Variants in GRIP1 observed in about 807,000 individuals in gnomAD.
GRIP1 encodes glutamate receptor-interacting protein 1.
GRIP1 carries 45 observed loss-of-function variants against 129.9 expected under a neutral mutation model. That is an observed-to-expected ratio of 0.35 (90% confidence interval 0.27 to 0.44). The LOEUF (loss-of-function observed/expected upper bound fraction) is 0.44. GRIP1 is among the 20% of genes least tolerant of loss of function. The probability of loss-of-function intolerance (pLI) is 1.00; values close to 1 mark genes in which losing one functional copy is unlikely to be tolerated. For missense variants in GRIP1, 1,196 were observed against 1,396.8 expected (o/e 0.86, Z 2.29); for synonymous variants, 530 against 520.8 (o/e 1.02, Z -0.24).
At chr12:66,562,797 A>G (rs2062586769) in intron 2 of GRIP1, among the ~76,000 whole-genome samples, 2 of 152,210 alleles carry the variant, frequency 1.3e-5, no homozygotes, top group African/African-American at 4.8e-5. Context: ...CCAAAACTTA[A>G]CTATTAATAG....
At chr12:66,605,760 C>T (rs573659230) in intron 1 of GRIP1, among the ~76,000 whole-genome samples, 1 of 152,224 alleles carries the variant, frequency 6.6e-6, no homozygotes, top group Non-Finnish European at 1.5e-5. Flanking sequence ...TACATGTCAA[C>T]TGCAGGCAAA....
intron 1 of GRIP1, among the ~76,000 whole-genome samples, chr12:67,017,019 C>T (rs879715615): frequency 1.3e-4 from 20 of 152,124 alleles, no homozygotes; most frequent in Admixed American, 5.2e-4. Context: ...CTCTCTTCTC[C>T]GATTCATAAT....
At chr12:66,416,942 G>GACAC (rs138385858) in intron 15 of GRIP1, among the ~76,000 whole-genome samples, 2 of 149,256 alleles carry the variant, frequency 1.3e-5, no homozygotes, top group African/African-American at 4.9e-5. Flanking sequence ...ACCAGACAAA[G>GACAC]ACACACACAC....
intron 1 of GRIP1, among the ~76,000 whole-genome samples, chr12:66,650,575 C>G (rs1239780963): frequency 6.6e-6 from 1 of 152,156 alleles, no homozygotes; most frequent in African/African-American, 2.4e-5. Context: ...TCACTGGACA[C>G]TGTGATCAAG....
In GRIP1 at chr12:66,695,417, C is replaced by T. The variant is rs563865589; in HGVS notation, c.-419-65081G>A. Among the ~76,000 whole-genome samples, 7 of 152,160 alleles carry T rather than the reference C, an allele frequency of 4.6e-5. No homozygotes were observed. In the East Asian group the frequency reaches 5.8e-4, roughly 13 times the overall value. On this transcript the variant is annotated intron_variant, in intron 1 of 4. Transcript: ENST00000538373. ...TAGCCCAAGGTTGGGATACACAGCA[C>T]GAGCTATGGGCCACACGAGAGGAGG...
chr12:66,544,738 G>C (rs565055148), intron 2 of GRIP1, among the ~76,000 whole-genome samples: 9 of 152,254 alleles, frequency 5.9e-5, no homozygotes, highest in South Asian at 2.1e-4. Flanking sequence ...GTTTCTGTAG[G>C]GGGTGGGAGA....
chr12:66,456,203 A>C lies in GRIP1; in HGVS notation c.1182T>G (p.Pro394=), dbSNP rs1390162257. The change falls in exon 10 of 25, where the codon CCT becomes CCG. Residue 394 remains proline (P), a synonymous_variant. Coordinates refer to ENST00000359742, the MANE Select transcript of GRIP1 (RefSeq NM_001366722.1). ...RVPALTFPKA[P]PPNSPPALVS... ...GAACATTACGAGGGCTGTTTGGAGG[A>C]GGTGCTTTCGGGAATGTCAGGGCTG... The C allele has an allele frequency of 7.8e-7, 1 of 1,289,198 alleles. No homozygotes were observed. The highest frequency in any genetic ancestry group is 1.0e-6 in the Non-Finnish European group (1 of 988,170). The allele number at this position is 1,289,198 out of a possible 1,614,324, so 79.9% of individuals were successfully genotyped here. A position where few individuals can be genotyped will look rare whatever the true frequency, so the allele number is the denominator to read the frequency against.
chr12:66,834,694 G>A (rs920388610), intron 1 of GRIP1, among the ~76,000 whole-genome samples: 1 of 152,076 alleles, frequency 6.6e-6, no homozygotes, highest in Admixed American at 6.6e-5. Flanking sequence ...TGGAGTGTAT[G>A]GATAATTAAA....
intron 1 of GRIP1, among the ~76,000 whole-genome samples, chr12:66,843,142 G>C (rs1037838904): frequency 2.0e-5 from 3 of 151,954 alleles, no homozygotes; most frequent in Non-Finnish European, 2.9e-5. Context: ...AGTTCCTGAA[G>C]AGTATACTAC....
intron 1 of GRIP1, among the ~76,000 whole-genome samples, chr12:66,862,830 G>A (rs1016340629): frequency 6.6e-6 from 1 of 151,916 alleles, no homozygotes; most frequent in Non-Finnish European, 1.5e-5. Context: ...TGTGGTTAAG[G>A]CAGCATTACT....
intron 8 of GRIP1, 64 bp from the exon 9 acceptor site, chr12:66,463,157 T>A (rs1452203791): frequency 2.3e-6 from 3 of 1,283,200 alleles, no homozygotes; most frequent in Admixed American, 1.7e-5. Context: ...GACTTTCATG[T>A]CCTTCATAGT....
intron 14 of GRIP1, among the ~76,000 whole-genome samples, chr12:66,431,858 C>T (rs534845397): frequency 2.6e-5 from 4 of 152,142 alleles, no homozygotes; most frequent in South Asian, 2.1e-4. Flanking sequence ...AACTAAAGCC[C>T]GAGGAAAGGA....
chr12:66,382,307 CCCAGGAGTTCGAGA>C (rs1269093001), intron 19 of GRIP1, among the ~76,000 whole-genome samples: 1 of 152,072 alleles, frequency 6.6e-6, no homozygotes, highest in Admixed American at 6.6e-5. Flanking sequence ...ATCCCTTGAG[CCCAGGAGTTCGAGA>C]CCAGTCTGAG....
intron 14 of GRIP1, among the ~76,000 whole-genome samples, chr12:66,423,033 CTTTAAAAATATTT>C (rs2057862986): frequency 6.6e-6 from 1 of 152,148 alleles, no homozygotes; most frequent in African/African-American, 2.4e-5. Flanking sequence ...GCTGGTAGTG[CTTTAAAAATATTT>C]AGTTGCCAAC....
rs992256706 is a variant in GRIP1 at position 66,447,038 on chromosome 12, G to A, written c.1355-1530C>T. ...CCCCCTTAAAATGAAAACATATAAG[G>A]GATGCCTTTGTATTCCAGATAAAAA... is the stretch of plus-strand genomic sequence containing the variant. On this transcript the variant is annotated intron_variant, in intron 11 of 24. Coordinates refer to ENST00000359742, the MANE Select transcript of GRIP1 (RefSeq NM_001366722.1). Among the ~76,000 whole-genome samples the A allele has an allele frequency of 2.6e-5, 4 of 152,102 alleles. No homozygotes were observed. In the East Asian group the frequency reaches 7.7e-4, roughly 29 times the overall value.
At chr12:66,946,551 A>G (rs2041670445) in intron 1 of GRIP1, among the ~76,000 whole-genome samples, 4 of 151,822 alleles carry the variant, frequency 2.6e-5, no homozygotes, top group Non-Finnish European at 4.4e-5. Flanking sequence ...ACTTTAATAT[A>G]GTTATTCTCA....
Position 66,595,755 on chromosome 12 carries a change from A to G in GRIP1, c.136+1092T>C, listed in dbSNP as rs547860977. On this transcript the variant is annotated intron_variant, in intron 2 of 24. Transcript: ENST00000359742. Reference sequence around the variant, plus strand: ...CTTCAAAGCACCAAAACAAGGATGTATAACATATTCATAATATGTGTCTTC... The same window carrying G: ...CTTCAAAGCACCAAAACAAGGATGTGTAACATATTCATAATATGTGTCTTC... Among the ~76,000 whole-genome samples, 19 of 152,340 alleles carry G rather than the reference A, an allele frequency of 1.2e-4. No individual in the cohort carries two copies. In the South Asian group the frequency reaches 3.3e-3, roughly 27 times the overall value.
intron 1 of GRIP1, among the ~76,000 whole-genome samples, chr12:66,756,980 T>A (rs1566005632): frequency 6.6e-6 from 1 of 152,220 alleles, no homozygotes; most frequent in Admixed American, 6.5e-5. Context: ...ACAGAGTAGG[T>A]GTATATATTT....
intron 1 of GRIP1, among the ~76,000 whole-genome samples, chr12:66,989,280 C>T (rs904022261): frequency 6.6e-6 from 1 of 152,328 alleles, no homozygotes; most frequent in East Asian, 1.9e-4. Flanking sequence ...TCACTGGACA[C>T]CTTCTTCTTT....
Sources: gnomAD v4.1 joint callset for allele counts (sites outside exome capture counted in the v4.1 genomes callset) on GRCh38, gnomAD v4.1.1 for gene constraint, MANE v1.5 for transcripts, NCBI Gene and HGNC (gene_info 2026-07-23, HGNC 2026-07-21) for gene names.